SLC44A1: variants seen among roughly 807,000 people sequenced by gnomAD.
SLC44A1 encodes the protein solute carrier family 44 member 1.
A neutral mutation model predicts 79.3 loss-of-function variants in SLC44A1; 26 were observed. That is an observed-to-expected ratio of 0.33 (90% confidence interval 0.24 to 0.46). The LOEUF is 0.46. SLC44A1 is among the 20% of genes least tolerant of loss of function. The probability of loss-of-function intolerance (pLI) is 1.00; values close to 1 mark genes in which losing one functional copy is unlikely to be tolerated. For missense variants in SLC44A1, 688 were observed against 798.1 expected (o/e 0.86, Z 1.66); for synonymous variants, 263 against 286.2 (o/e 0.92, Z 0.82).
chr9:105,354,039 C>CTTTTTTTTTTTTTT lies in SLC44A1; in HGVS notation c.501-2157_501-2144dup, dbSNP rs556502972. Among the ~76,000 whole-genome samples the CTTTTTTTTTTTTTT allele has an allele frequency of 2.1e-4, 21 of 98,484 alleles. 1 individual carries two copies. Among genetic ancestry groups the CTTTTTTTTTTTTTT allele is most frequent in the African/African-American group, 9.6e-4 (19 of 19,764 alleles). The allele number at this position is 98,484 out of a possible 152,430, so 64.6% of individuals were successfully genotyped here. ...TTGACTTAGAAATTTACAGTTAATC[C>CTTTTTTTTTTTTTT]TTTTTTTTTTTTTTTTTTTTTTTTT... is the stretch of plus-strand genomic sequence containing the variant. On this transcript the variant is annotated intron_variant, in intron 5 of 15. Coordinates refer to ENST00000374720, the MANE Select transcript of SLC44A1 (RefSeq NM_080546.5).
chr9:105,425,594 G>C (rs568917943), intron 15 of SLC44A1, among the ~76,000 whole-genome samples: 1 of 152,206 alleles, frequency 6.6e-6, no homozygotes, highest in African/African-American at 2.4e-5. Context: ...AGGTCGAGGC[G>C]GGCAGATCAC....
intron 15 of SLC44A1, among the ~76,000 whole-genome samples, chr9:105,411,820 C>T (rs1186316449): frequency 6.6e-6 from 1 of 152,180 alleles, no homozygotes. Context: ...TGCATCATAT[C>T]AGGAGGCACA....
chr9:105,342,227 A>C (rs539867609), intron 4 of SLC44A1, among the ~76,000 whole-genome samples: 12 of 152,340 alleles, frequency 7.9e-5, no homozygotes, highest in Non-Finnish European at 1.3e-4. Context: ...AATAATTCAT[A>C]AGTTTTACAT....
At chr9:105,397,487 C>G (rs1265410588), downstream of SLC44A1, 1 of 364,846 alleles carries the variant, frequency 2.7e-6, no homozygotes, top group Non-Finnish European at 3.8e-6. Flanking sequence ...TTCTGTCTCT[C>G]GCAGCATGTT....
intron 15 of SLC44A1, among the ~76,000 whole-genome samples, chr9:105,406,946 C>T (rs1711159180): frequency 6.6e-6 from 1 of 151,808 alleles, no homozygotes; most frequent in Non-Finnish European, 1.5e-5. Flanking sequence ...AAAAAGGGAA[C>T]CAAATAGAAA....
intron 1 of SLC44A1, among the ~76,000 whole-genome samples, chr9:105,287,372 C>G (rs186791544): frequency 2.6e-4 from 39 of 152,302 alleles, no homozygotes; most frequent in African/African-American, 9.4e-4. Flanking sequence ...TAATTTGTTT[C>G]TTACACAATT....
rs71364094 is a variant in SLC44A1, at chr9:105,408,402, TTTG to T, written c.1950+22920_1950+22922del. Among the ~76,000 whole-genome samples the T allele has an allele frequency of 6.8e-3, 1,032 of 151,846 alleles. 10 individuals are homozygous for T. Among genetic ancestry groups the T allele is most frequent in the African/African-American group, 0.023 (947 of 41,332 alleles). ...TATTGTATTTTTTGTTTGTCACTCA[TTTG>T]TTGTTGTTGTTGTTGTTGTATTTGA... On this transcript the variant is annotated intron_variant, in intron 15 of 15. Coordinates refer to the SLC44A1 transcript ENST00000374724.
chr9:105,385,533 C>T (rs1167516023), intron 15 of SLC44A1, 31 bp downstream of exon 15: 2 of 1,554,638 alleles, frequency 1.3e-6, no homozygotes, highest in Admixed American at 2.0e-5. Flanking sequence ...GGCCGCCCTC[C>T]AAGAATTTCA....
intron 9 of SLC44A1, 26 bp downstream of exon 9, chr9:105,363,033 A>C: frequency 6.5e-7 from 1 of 1,528,424 alleles, no homozygotes; most frequent in African/African-American, 1.4e-5. Flanking sequence ...TCTTTCTCTT[A>C]GTGACAAACG....
At chr9:105,364,414 T>G in intron 9 of SLC44A1, 141 bp from the exon 10 acceptor site, 1 of 601,568 alleles carries the variant, frequency 1.7e-6, no homozygotes, top group Non-Finnish European at 2.8e-6. Flanking sequence ...AAGTGATAGT[T>G]ATTTTTGTCC....
chr9:105,256,345 A>G (rs1185698977), intron 1 of SLC44A1, among the ~76,000 whole-genome samples: 2 of 152,122 alleles, frequency 1.3e-5, no homozygotes, highest in Non-Finnish European at 2.9e-5. Context: ...TTATTGTGAG[A>G]CAGAGTATCA....
chr9:105,374,656 C>T lies in SLC44A1; in HGVS notation c.1553C>T (p.Ala518Val). 1 of 1,613,760 alleles carries T rather than the reference C, an allele frequency of 6.2e-7. No homozygotes were observed. Among genetic ancestry groups the T allele is most frequent in the Non-Finnish European group, 8.5e-7 (1 of 1,179,690 alleles). The change falls in exon 13 of 16, where the codon GCC becomes GTC. Residue 518 changes from alanine to valine, a missense_variant. Physicochemically the swap from Ala to Val is moderately conservative, Grantham distance 64. Transcript: ENST00000374720. ...STNFCTSAKD[A>V]FVILVENALR... ...AACTTCTGCACCTCAGCAAAGGATG[C>T]CTTTGTCATTCTGGTGGAGAATGCT...
At position 105,285,483 on chromosome 9, in the gene SLC44A1, G is replaced by A. The variant is rs748183362; in HGVS notation, c.37-13737G>A. ...AAATAATTTACCCACTGTCTCACGC[G>A]TCCATGTGAAGAGACCACCAAACAG... is the stretch of plus-strand genomic sequence containing the variant. On this transcript the variant is annotated intron_variant, in intron 1 of 15. Transcript: ENST00000374720. Among the ~76,000 whole-genome samples the A allele has an allele frequency of 1.1e-4, 16 of 152,172 alleles. No homozygotes were observed. The South Asian group carries it at 1.4e-3, about 14-fold the overall frequency.
chr9:105,336,313 C>T (rs921099845), intron 4 of SLC44A1, among the ~76,000 whole-genome samples: 2 of 152,012 alleles, frequency 1.3e-5, no homozygotes, highest in Non-Finnish European at 2.9e-5. Context: ...TTAAATTTAA[C>T]GTTCTGTCAT....
chr9:105,262,346 T>C (rs554796224), intron 1 of SLC44A1, among the ~76,000 whole-genome samples: 165 of 152,298 alleles, frequency 1.1e-3, no homozygotes, highest in Middle Eastern at 3.4e-3. Context: ...AATACTGTCC[T>C]TGAGTAAGAA....
At chr9:105,397,934 C>A (rs1377988183), downstream of SLC44A1, among the ~76,000 whole-genome samples, 5 of 151,208 alleles carry the variant, frequency 3.3e-5, no homozygotes, top group Middle Eastern at 3.4e-3. Context: ...GGGGTCATAG[C>A]GAGACTCGGT....
At position 105,396,684 on chromosome 9, in the gene SLC44A1, T is replaced by C. The variant is rs1828883298; in HGVS notation, c.*7628T>C. 1.6e-5 allele frequency: 16 copies of C among 985,194 alleles called. No individual in the cohort carries two copies. Among genetic ancestry groups the C allele is most frequent in the Non-Finnish European group, 1.8e-5 (15 of 829,868 alleles). The allele number at this position is 985,194 out of a possible 1,614,324, so 61.0% of individuals were successfully genotyped here. ...TGTAATGTGGCATGAGAAGTATGTT[T>C]TGGTGCCACATATTTCTCAATCTGA... On this transcript the variant is annotated 3_prime_UTR_variant, in exon 16 of 16. Coordinates refer to ENST00000374720, the MANE Select transcript of SLC44A1 (RefSeq NM_080546.5).
chr9:105,428,353 G>T (rs1230067224), intron 15 of SLC44A1, among the ~76,000 whole-genome samples: 1 of 151,992 alleles, frequency 6.6e-6, no homozygotes, highest in Non-Finnish European at 1.5e-5. Flanking sequence ...ATAATATGGA[G>T]TCAGGCCCAT....
intron 15 of SLC44A1, among the ~76,000 whole-genome samples, chr9:105,407,547 C>A (rs1348268939): frequency 6.6e-5 from 10 of 152,098 alleles, no homozygotes; most frequent in Non-Finnish European, 1.0e-4. Flanking sequence ...ATCCTGTATT[C>A]AATAAAATTC....
Sources: allele counts gnomAD v4.1 joint callset (sites outside exome capture counted in the v4.1 genomes callset), GRCh38; gene constraint gnomAD v4.1.1; transcripts MANE v1.5; gene names NCBI Gene and HGNC (gene_info 2026-07-23, HGNC 2026-07-21).